The following CRMP1 variants were observed in gnomAD, a reference collection of about 807,000 sequenced individuals.
CRMP1 encodes dihydropyrimidinase-related protein 1.
CRMP1 carries 19 observed loss-of-function variants against 68.3 expected under a neutral mutation model. That is an observed-to-expected ratio of 0.28 (90% CI 0.19 to 0.41). CRMP1 has a LOEUF of 0.41. CRMP1 is among the 10% of genes least tolerant of loss of function. The pLI, the probability that CRMP1 is intolerant of heterozygous loss-of-function variation, is 1.00. For missense variants in CRMP1, 791 were observed against 967.4 expected (o/e 0.82, Z 2.42); for synonymous variants, 439 against 399.6 (o/e 1.10, Z -1.18).
chr4:5,857,486 C>CA (rs2152466627), intron 3 of CRMP1, among the ~76,000 whole-genome samples: 1 of 152,180 alleles, frequency 6.6e-6, no homozygotes, highest in East Asian at 1.9e-4. Flanking sequence ...TCTTCATTAC[C>CA]ACCATCATCA....
At chr4:5,873,366 A>G (rs1402338513) in intron 1 of CRMP1, among the ~76,000 whole-genome samples, 3 of 152,194 alleles carry the variant, frequency 2.0e-5, no homozygotes, top group Non-Finnish European at 4.4e-5. Flanking sequence ...GCCATAAAGA[A>G]ATGCCTGAGA....
chr4:5,820,926 A>C lies in CRMP1; in HGVS notation c.*834T>G, dbSNP rs1482384474. 1 of 152,258 alleles carries C rather than the reference A, an allele frequency of 6.6e-6. No individual in the cohort carries two copies. The highest frequency in any genetic ancestry group is 1.5e-5 in the Non-Finnish European group (1 of 68,052). The allele number at this position is 152,258 out of a possible 1,614,324, so 9.4% of individuals were successfully genotyped here. ...ACTTTAAAAATCTGACTGCCCCGTC[A>C]ACTGCCTCAGAGGGACCAGGACTCA... On this transcript the variant is annotated 3_prime_UTR_variant, in exon 14 of 14. Transcript: ENST00000324989.
At chr4:5,849,341 A>T in intron 6 of CRMP1, 51 bp downstream of exon 6, 1 of 1,461,264 alleles carries the variant, frequency 6.8e-7, no homozygotes, top group Non-Finnish European at 9.6e-7. Context: ...AACCTTTTGC[A>T]ACAAGGAGAA....
rs1461453192 is a variant in CRMP1 at position 5,861,051 on chromosome 4, T to A, written c.630A>T (p.Ala210=). ...TGATCATCGTGGTCCCGCCCACCAGTGCCGCCCTGGTCCCTTGGAAGAAGT... is the reference window on the plus strand; with the variant it reads ...TGATCATCGTGGTCCCGCCCACCAGAGCCGCCCTGGTCCCTTGGAAGAAGT... The part of the protein sequence containing the change: ...ADDFFQGTRA[A]LVGGTTMIID... Residue 210 remains alanine, a synonymous_variant, in exon 3 of 14, where the codon GCA becomes GCT. Coordinates refer to ENST00000324989, the MANE Select transcript of CRMP1 (RefSeq NM_001014809.3). The surrounding 1 kb of genome is among the most constrained non-coding windows in gnomAD (Gnocchi z 6.0). 1 of 1,614,144 alleles carries A rather than the reference T, an allele frequency of 6.2e-7. No individual in the cohort carries two copies. Among genetic ancestry groups the A allele is most frequent in the Admixed American group, 1.7e-5 (1 of 60,014 alleles).
At chr4:5,836,178 C>T in intron 10 of CRMP1, 93 bp from the exon 11 acceptor site, 3 of 1,155,366 alleles carry the variant, frequency 2.6e-6, no homozygotes, top group Non-Finnish European at 3.4e-6. Flanking sequence ...CAGCTGAGGC[C>T]TTGCAAGGCT....
chr4:5,871,001 C>G (rs138594669), intron 1 of CRMP1, among the ~76,000 whole-genome samples: 2 of 152,080 alleles, frequency 1.3e-5, no homozygotes, highest in Non-Finnish European at 2.9e-5. Flanking sequence ...GGGCTCAGCC[C>G]GAAAGGTGGT....
rs1460382277 is a variant in CRMP1 at position 5,853,361 on chromosome 4, G to C, written c.821-1892C>G. The stretch of plus-strand genomic sequence containing the variant: ...CTGGGAGGCAGTGAGCTGAGATCTC[G>C]CCATTGCACTCCAGCCTGGGTGACA... On this transcript the variant is annotated intron_variant, in intron 4 of 13. Coordinates refer to ENST00000324989, the MANE Select transcript of CRMP1 (RefSeq NM_001014809.3). The surrounding 1 kb of genome is among the most constrained non-coding windows in gnomAD (Gnocchi z 4.7). Among the ~76,000 whole-genome samples the C allele has an allele frequency of 6.6e-6, 1 of 152,160 alleles. No homozygotes were observed. Among genetic ancestry groups the C allele is most frequent in the African/African-American group, 2.4e-5 (1 of 41,436 alleles).
In CRMP1 at chr4:5,883,816, T is replaced by C. The variant is rs1338663324; in HGVS notation, c.381+8773A>G. ...GCCATGCACACTCATGTATGTTGTA[T>C]TGTGTGTGCTCCATGTATTCAGTCT... On this transcript the variant is annotated intron_variant, in intron 1 of 13. Coordinates refer to ENST00000324989, the MANE Select transcript of CRMP1 (RefSeq NM_001014809.3). This position sits in a 1 kb window ranked among gnomAD's most constrained non-coding sequence, Gnocchi z 4.5. 1.3e-5 allele frequency among the ~76,000 whole-genome samples: 2 copies of C among 152,260 alleles called. No homozygotes were observed. The highest frequency in any genetic ancestry group is 4.8e-5 in the African/African-American group (2 of 41,470).
rs1357447371 is a variant in CRMP1 at position 5,854,712 on chromosome 4, G to A, written c.820+1431C>T. ...ACAATGGTGGTGTCTTTCACCCATC[G>A]AATCGGCAAGGATTTCATAGAAGCA... is the stretch of plus-strand genomic sequence containing the variant. On this transcript the variant is annotated intron_variant, in intron 4 of 13. Transcript: ENST00000324989. The surrounding 1 kb of genome is among the most constrained non-coding windows in gnomAD (Gnocchi z 4.0). Among the ~76,000 whole-genome samples the A allele has an allele frequency of 2.0e-5, 3 of 152,112 alleles. No individual in the cohort carries two copies. The highest frequency in any genetic ancestry group is 4.8e-5 in the African/African-American group (2 of 41,402).
intron 5 of CRMP1, among the ~76,000 whole-genome samples, chr4:5,849,777 T>G (rs1184741767): frequency 1.3e-5 from 2 of 152,212 alleles, no homozygotes; most frequent in Non-Finnish European, 2.9e-5. Flanking sequence ...GCTGTCTTTT[T>G]GGGTTGGCTT....
chr4:5,862,266 C>T (rs955680684), intron 2 of CRMP1, among the ~76,000 whole-genome samples: 1 of 147,908 alleles, frequency 6.8e-6, no homozygotes, highest in Non-Finnish European at 1.5e-5. Flanking sequence ...ACTAACCGAT[C>T]CCTTACCCCC....
In CRMP1 at chr4:5,855,994, G is replaced by T; in HGVS notation, c.820+149C>A. The stretch of plus-strand genomic sequence containing the variant: ...AAGGATGGACTCTGTAAAGGGACTG[G>T]CCTGTTTCCTCACTGTCACGTGGCA... On this transcript the variant is annotated intron_variant, in intron 4 of 13. Coordinates refer to ENST00000324989, the MANE Select transcript of CRMP1 (RefSeq NM_001014809.3). The surrounding 1 kb of genome is among the most constrained non-coding windows in gnomAD (Gnocchi z 4.9). The T allele has an allele frequency of 1.2e-6, 1 of 858,966 alleles. No homozygotes were observed. The highest frequency in any genetic ancestry group is 1.8e-6 in the Non-Finnish European group (1 of 556,020). The allele number at this position is 858,966 out of a possible 1,614,324, so 53.2% of individuals were successfully genotyped here.
At position 5,820,963 on chromosome 4, in the gene CRMP1, G is replaced by C. The variant is rs1277971039; in HGVS notation, c.*797C>G. ...GGGACCAGGACTCAGGCCACGCAGG[G>C]GCAGCCATCAGCCCCCCATCGTCAG... On this transcript the variant is annotated 3_prime_UTR_variant, in exon 14 of 14. Coordinates refer to ENST00000324989, the MANE Select transcript of CRMP1 (RefSeq NM_001014809.3). The C allele has an allele frequency of 6.6e-6, 1 of 152,220 alleles. No homozygotes were observed. The highest frequency in any genetic ancestry group is 1.5e-5 in the Non-Finnish European group (1 of 68,060). The allele number at this position is 152,220 out of a possible 1,614,324, so 9.4% of individuals were successfully genotyped here. A position where few individuals can be genotyped will look rare whatever the true frequency, so the allele number is the denominator to read the frequency against.
chr4:5,827,733 GCACA>G (rs141887967), intron 12 of CRMP1, among the ~76,000 whole-genome samples: 84 of 138,332 alleles, frequency 6.1e-4, no homozygotes, highest in Admixed American at 1.3e-3. Context: ...ATGTGCGCGT[GCACA>G]CACACACACA....
In CRMP1 at chr4:5,825,227, G is replaced by A. The variant is rs772244773; in HGVS notation, c.1969+267C>T. On this transcript the variant is annotated intron_variant, in intron 13 of 13. Coordinates refer to ENST00000324989, the MANE Select transcript of CRMP1 (RefSeq NM_001014809.3). The surrounding 1 kb of genome is among the most constrained non-coding windows in gnomAD (Gnocchi z 4.4). ...AGTGTCCCCAAATGTGTGTAAGGAT[G>A]AGCACTGGGACAATTTTGGTACCTC... 1.0e-6 allele frequency: 1 copy of A among 985,332 alleles called. No individual in the cohort carries two copies. 61.0% of individuals were successfully genotyped at this position (985,332 alleles called of 1,614,324 possible).
rs1340381580 is a variant in CRMP1 at position 5,881,404 on chromosome 4, G to A, written c.381+11185C>T. Among the ~76,000 whole-genome samples, 1 of 152,086 alleles carries A rather than the reference G, an allele frequency of 6.6e-6. No individual in the cohort carries two copies. The highest frequency in any genetic ancestry group is 1.5e-5 in the Non-Finnish European group (1 of 68,018). On this transcript the variant is annotated intron_variant, in intron 1 of 13. Transcript: ENST00000324989. This position sits in a 1 kb window ranked among gnomAD's most constrained non-coding sequence, Gnocchi z 4.6. ...ATACTTTCAAATCATATAAAATTTT[G>A]CAGCATTCTTGAAGGATTAAAGACC...
rs1380001386 is a variant in CRMP1, at chr4:5,881,996, A to G, written c.381+10593T>C. On this transcript the variant is annotated intron_variant, in intron 1 of 13. Coordinates refer to ENST00000324989, the MANE Select transcript of CRMP1 (RefSeq NM_001014809.3). This position sits in a 1 kb window ranked among gnomAD's most constrained non-coding sequence, Gnocchi z 4.6. ...TCGAGCTTGCTACCAAATCCAATACAACCTAAGAACCAATGGTGGGATTTT... is the reference window on the plus strand; with the variant it reads ...TCGAGCTTGCTACCAAATCCAATACGACCTAAGAACCAATGGTGGGATTTT... Among the ~76,000 whole-genome samples the G allele has an allele frequency of 6.6e-6, 1 of 152,130 alleles. No homozygotes were observed. Among genetic ancestry groups the G allele is most frequent in the African/African-American group, 2.4e-5 (1 of 41,430 alleles).
intron 3 of CRMP1, among the ~76,000 whole-genome samples, chr4:5,857,860 T>C (rs986047498): frequency 6.6e-6 from 1 of 151,964 alleles, no homozygotes; most frequent in Admixed American, 6.6e-5. Context: ...AAATCTTAAA[T>C]GTAAAGTAGA....
chr4:5,845,621 G>A (rs1443174373), intron 6 of CRMP1, among the ~76,000 whole-genome samples: 1 of 152,220 alleles, frequency 6.6e-6, no homozygotes, highest in East Asian at 1.9e-4. Flanking sequence ...TGCACCTGGA[G>A]TCCAGACCCA....
Sources: gnomAD v4.1 joint callset for allele counts (sites outside exome capture counted in the v4.1 genomes callset) on GRCh38, gnomAD v4.1.1 for gene constraint, Gnocchi (gnomAD v3.1) non-coding constraint, MANE v1.5 for transcripts, NCBI Gene and HGNC (gene_info 2026-07-23, HGNC 2026-07-21) for gene names.